The following CPS1 variants were observed in gnomAD, a reference collection of about 807,000 sequenced individuals.
The protein encoded by CPS1 is carbamoyl-phosphate synthase [ammonia], mitochondrial.
A neutral mutation model predicts 174.6 loss-of-function variants in CPS1; 109 were observed. That is an observed-to-expected ratio of 0.62 (90% confidence interval 0.53 to 0.73). The LOEUF is 0.73. Ranked by LOEUF, CPS1 falls within the 30% of genes least tolerant of loss-of-function variation. The pLI, the probability that CPS1 is intolerant of heterozygous loss-of-function variation, is 0.00. For missense variants in CPS1, 1,689 were observed against 1,821.9 expected (o/e 0.93, Z 1.33); for synonymous variants, 637 against 632.0 (o/e 1.01, Z -0.12).
chr2:210,583,041 G>C (rs981821228), intron 6 of CPS1, among the ~76,000 whole-genome samples: 2 of 152,108 alleles, frequency 1.3e-5, no homozygotes, highest in Admixed American at 6.6e-5. Flanking sequence ...GTCCAGTGAT[G>C]ATGAGGAGTC....
rs1047891 is a variant in CPS1 at position 210,675,783 on chromosome 2, C to A, written c.4217C>A (p.Thr1406Asn). 0.31 allele frequency: 499,109 copies of A among 1,606,716 alleles called. 79,050 individuals carry two copies. Among genetic ancestry groups the A allele is most frequent in the African/African-American group, 0.36 (27,290 of 74,786 alleles). ...CTCAACGCCAACAATGTCCCTGCCA[C>A]CCCAGTGGCATGGCCGTCTCAAGAA... ...DWLNANNVPA[T>N]PVAWPSQEGQ... is the part of the protein sequence containing the mutation. Residue 1406 changes from threonine (T) to asparagine (N), a missense_variant, in exon 36 of 38, where the codon ACC becomes AAC. Transcript: ENST00000233072.
At chr2:210,611,355 C>A (rs988487770) in intron 19 of CPS1, among the ~76,000 whole-genome samples, 2 of 151,724 alleles carry the variant, frequency 1.3e-5, no homozygotes, top group Non-Finnish European at 2.9e-5. Context: ...AATTGGAGAC[C>A]AAAAATGCAT....
At chr2:210,490,984 T>G (rs978363760) in intron 1 of CPS1, among the ~76,000 whole-genome samples, 4 of 152,220 alleles carry the variant, frequency 2.6e-5, no homozygotes, top group African/African-American at 9.6e-5. Flanking sequence ...ATATAGAATG[T>G]TCTAGGGGCA....
chr2:210,570,592 T>C (rs190271493), intron 1 of CPS1, among the ~76,000 whole-genome samples: 72 of 152,106 alleles, frequency 4.7e-4, no homozygotes, highest in Admixed American at 1.2e-3. Flanking sequence ...TAAACTGATA[T>C]GTAGAAAACT....
At chr2:210,560,232 A>G (rs934950069) in intron 1 of CPS1, among the ~76,000 whole-genome samples, 1 of 151,998 alleles carries the variant, frequency 6.6e-6, no homozygotes, top group Admixed American at 6.6e-5. Flanking sequence ...TCATTCATTC[A>G]TTTATTCTTT....
At chr2:210,486,597 G>A (rs12463895) in intron 1 of CPS1, among the ~76,000 whole-genome samples, 31,160 of 152,114 alleles carry the variant, frequency 0.2, 3,730 homozygotes, top group Middle Eastern at 0.34. Context: ...CGCAACCTCC[G>A]CCTCCTGGGT....
chr2:210,528,620 C>T (rs535878210), intron 1 of CPS1, among the ~76,000 whole-genome samples: 1 of 151,962 alleles, frequency 6.6e-6, no homozygotes, highest in African/African-American at 2.4e-5. Context: ...AGTGCCAAGT[C>T]TGGGGATCTC....
chr2:210,585,497 A>G lies in CPS1; in HGVS notation c.622-2561A>G, dbSNP rs148604643. Among the ~76,000 whole-genome samples the G allele has an allele frequency of 4.1e-3, 624 of 152,118 alleles. 6 individuals are homozygous for G. Among genetic ancestry groups the G allele is most frequent in the African/African-American group, 0.014 (566 of 41,548 alleles). On this transcript the variant is annotated intron_variant, in intron 6 of 37. Transcript: ENST00000233072. ...ATTCCATCTTCAGTGTAATTATATG[A>G]GATGGGTATTATTAGGAACTCATTT...
intron 1 of CPS1, among the ~76,000 whole-genome samples, chr2:210,542,721 A>G (rs1398926421): frequency 6.6e-6 from 1 of 152,114 alleles, no homozygotes; most frequent in South Asian, 2.1e-4. Context: ...TTCATCAAAA[A>G]ATAAAAAACA....
upstream of CPS1, among the ~76,000 whole-genome samples, chr2:210,554,844 C>G (rs1476153804): frequency 2.6e-5 from 4 of 151,234 alleles, no homozygotes. Flanking sequence ...ACTACACACA[C>G]ACACACACAC....
At chr2:210,581,352 C>G (rs544830176) in intron 5 of CPS1, among the ~76,000 whole-genome samples, 2 of 152,202 alleles carry the variant, frequency 1.3e-5, no homozygotes, top group African/African-American at 4.8e-5. Context: ...TTATCATAGG[C>G]AGTTAGGTTT....
At chr2:210,512,018 A>T (rs974606766) in intron 1 of CPS1, among the ~76,000 whole-genome samples, 6 of 151,822 alleles carry the variant, frequency 4.0e-5, no homozygotes, top group Non-Finnish European at 8.8e-5. Flanking sequence ...TTTCCTTACC[A>T]CCCACAGGCA....
At chr2:210,543,552 T>C (rs1443199773) in intron 1 of CPS1, among the ~76,000 whole-genome samples, 3 of 152,080 alleles carry the variant, frequency 2.0e-5, no homozygotes, top group African/African-American at 7.2e-5. Flanking sequence ...GTTTTAAGCA[T>C]CCAATCTAAA....
Position 210,605,131 on chromosome 2 carries a change from G to A in CPS1, c.1866G>A (p.Val622=), listed in dbSNP as rs750498132. The change falls in exon 17 of 38, where the codon GTG becomes GTA. Residue 622 remains valine (V), a synonymous_variant. Transcript: ENST00000233072. ...KAFAMTNQIL[V]EKSVTGWKEI... Reference sequence around the variant, plus strand: ...TTGCTATGACCAACCAAATTCTGGTGGAGAAGTCAGTGACAGGTTGGAAAG... The same window carrying A: ...TTGCTATGACCAACCAAATTCTGGTAGAGAAGTCAGTGACAGGTTGGAAAG... 6.2e-7 allele frequency: 1 copy of A among 1,611,988 alleles called. No homozygotes were observed. Among genetic ancestry groups the A allele is most frequent in the Admixed American group, 1.7e-5 (1 of 59,820 alleles).
chr2:210,654,578 T>C (rs1700651406), intron 29 of CPS1, among the ~76,000 whole-genome samples: 1 of 152,188 alleles, frequency 6.6e-6, no homozygotes, highest in South Asian at 2.1e-4. Context: ...TTAAATTGGC[T>C]TACCATATCA....
intron 5 of CPS1, among the ~76,000 whole-genome samples, chr2:210,581,478 A>G (rs1295947189): frequency 6.6e-6 from 1 of 152,162 alleles, no homozygotes; most frequent in Non-Finnish European, 1.5e-5. Flanking sequence ...TATTAACCTT[A>G]ATTTGAAAAG....
At chr2:210,647,778 G>A in intron 25 of CPS1, 85 bp from the exon 26 acceptor site, 1 of 1,460,580 alleles carries the variant, frequency 6.8e-7, no homozygotes, top group Non-Finnish European at 9.6e-7. Flanking sequence ...AGAATTATCA[G>A]TAAGGAAATA....
upstream of CPS1, among the ~76,000 whole-genome samples, chr2:210,553,571 A>G (rs983339847): frequency 6.6e-6 from 1 of 152,004 alleles, no homozygotes; most frequent in African/African-American, 2.4e-5. Flanking sequence ...ACTTCCAAGT[A>G]CACAGGGTCC....
intron 21 of CPS1, among the ~76,000 whole-genome samples, chr2:210,620,871 A>C (rs1383107448): frequency 6.6e-5 from 10 of 152,014 alleles, no homozygotes; most frequent in Admixed American, 6.6e-4. Flanking sequence ...CAAACATAAA[A>C]ACTATATCAA....
Sources: allele counts gnomAD v4.1 joint callset (sites outside exome capture counted in the v4.1 genomes callset), GRCh38; gene constraint gnomAD v4.1.1; transcripts MANE v1.5; gene names NCBI Gene and HGNC (gene_info 2026-07-23, HGNC 2026-07-21).